SAMD5: variants seen among roughly 807,000 people sequenced by gnomAD.
SAMD5 encodes sterile alpha motif domain containing 5.
A neutral mutation model predicts 11.3 loss-of-function variants in SAMD5; 13 were observed. The ratio of observed to expected loss-of-function variants is 1.15; its 90% CI spans 0.75 to 1.83. The LOEUF (loss-of-function observed/expected upper bound fraction) is 1.83. Among genes scored for constraint, SAMD5 ranks in the 40% most tolerant of loss-of-function variants. SAMD5 has a pLI of 0.00. For synonymous variants in SAMD5, 129 were observed against 111.3 expected (o/e 1.16, Z -1.00); for missense variants, 255 against 239.1 (o/e 1.07, Z -0.44).
chr6:147,949,548 T>A, the SAMD5 span, among the ~76,000 whole-genome samples: 37 of 152,264 alleles, frequency 2.4e-4, no homozygotes, highest in African/African-American at 8.2e-4. Flanking sequence ...ATCACGCTAC[T>A]TCTAATGCTT....
the SAMD5 span, among the ~76,000 whole-genome samples, chr6:147,784,472 A>C: frequency 1.3e-5 from 2 of 152,134 alleles, no homozygotes; most frequent in African/African-American, 4.8e-5. Flanking sequence ...ATAAGCTGAA[A>C]ATTTTCTTAT....
intron 1 of SAMD5, among the ~76,000 whole-genome samples, chr6:147,625,098 G>T (rs985785531): frequency 3.9e-5 from 6 of 152,258 alleles, no homozygotes; most frequent in Admixed American, 2.0e-4. Flanking sequence ...CCAGTTAGTC[G>T]ATTGGTGTGG....
At chr6:147,762,174 T>C in the SAMD5 span, among the ~76,000 whole-genome samples, 1 of 152,164 alleles carries the variant, frequency 6.6e-6, no homozygotes, top group Non-Finnish European at 1.5e-5. Flanking sequence ...CATTTTTGAT[T>C]ATGTCAAATG....
chr6:147,533,996 C>T (rs1445439817), intron 1 of SAMD5, among the ~76,000 whole-genome samples: 3 of 152,268 alleles, frequency 2.0e-5, no homozygotes, highest in Admixed American at 2.0e-4. Flanking sequence ...CAAGCCAAGT[C>T]GACACTTAAA....
At chr6:147,915,997 C>T in the SAMD5 span, among the ~76,000 whole-genome samples, 58 of 149,020 alleles carry the variant, frequency 3.9e-4, no homozygotes, top group South Asian at 4.5e-3. Context: ...TGAGAACATG[C>T]GGTGTTTGGT....
Position 147,580,655 on chromosome 6 carries a change from G to C in SAMD5, c.162+71268G>C, listed in dbSNP as rs117740962. Among the ~76,000 whole-genome samples, 583 of 152,298 alleles carry C rather than the reference G, an allele frequency of 3.8e-3. 18 individuals are homozygous for C. In the East Asian group the frequency reaches 0.083, roughly 22 times the overall value. ...AATTGTATTTCATTTTAATTAAATAGTCATGTATGGCCAGTGGTAGCATAT... is the reference window on the plus strand; with the variant it reads ...AATTGTATTTCATTTTAATTAAATACTCATGTATGGCCAGTGGTAGCATAT... On this transcript the variant is annotated intron_variant, in intron 1 of 1. Transcript: ENST00000566741.
At chr6:147,679,877 G>C (rs970579870) in intron 1 of SAMD5, among the ~76,000 whole-genome samples, 15 of 150,466 alleles carry the variant, frequency 1.0e-4, no homozygotes, top group African/African-American at 3.4e-4. Context: ...TTTCCCCCCT[G>C]AATTATATTT....
At chr6:147,623,437 G>A (rs1790002061) in intron 1 of SAMD5, among the ~76,000 whole-genome samples, 1 of 152,218 alleles carries the variant, frequency 6.6e-6, no homozygotes, top group Non-Finnish European at 1.5e-5. Context: ...TTTAGGACAT[G>A]TGCTTTGAAT....
chr6:147,850,807 A>C, the SAMD5 span, among the ~76,000 whole-genome samples: 1 of 151,842 alleles, frequency 6.6e-6, no homozygotes, highest in South Asian at 2.1e-4. Flanking sequence ...TGCTATGCCC[A>C]TTTAGTCACC....
In SAMD5 at chr6:147,568,066, G is replaced by A. The variant is rs1044240318; in HGVS notation, c.*3610G>A. Reference sequence around the variant, plus strand: ...GCAGCTTCAGATTGATGAATTTGAGGTACAAATGAGTGAGTGACATATGTA... The same window carrying A: ...GCAGCTTCAGATTGATGAATTTGAGATACAAATGAGTGAGTGACATATGTA... On this transcript the variant is annotated 3_prime_UTR_variant, in exon 2 of 2. Coordinates refer to ENST00000367474, the MANE Select transcript of SAMD5 (RefSeq NM_001030060.3). 6 of 985,044 alleles carry A rather than the reference G, an allele frequency of 6.1e-6. No homozygotes were observed. In the Admixed American group the frequency reaches 2.5e-4, roughly 40 times the overall value. 61.0% of individuals were successfully genotyped at this position (985,044 alleles called of 1,614,324 possible).
intron 1 of SAMD5, among the ~76,000 whole-genome samples, chr6:147,578,974 T>C (rs1307588564): frequency 6.6e-6 from 1 of 152,248 alleles, no homozygotes; most frequent in East Asian, 1.9e-4. Flanking sequence ...GTAGTAAATG[T>C]TCAGTAGGTG....
intron 1 of SAMD5, among the ~76,000 whole-genome samples, chr6:147,636,584 T>C (rs1174061726): frequency 6.6e-6 from 1 of 152,208 alleles, no homozygotes; most frequent in East Asian, 1.9e-4. Context: ...GCTGCATCTG[T>C]CACTTTTTAC....
chr6:147,745,843 A>G, the SAMD5 span, among the ~76,000 whole-genome samples: 1 of 150,220 alleles, frequency 6.7e-6, no homozygotes, highest in Non-Finnish European at 1.5e-5. Flanking sequence ...TGGTGATGGG[A>G]ACAAGGCTTA....
the SAMD5 span, among the ~76,000 whole-genome samples, chr6:147,855,559 C>A: frequency 6.6e-6 from 1 of 152,026 alleles, no homozygotes; most frequent in Non-Finnish European, 1.5e-5. Flanking sequence ...TTATAGAAGA[C>A]TTTCAAGCAT....
intron 1 of SAMD5, among the ~76,000 whole-genome samples, chr6:147,534,941 C>T (rs1788485304): frequency 6.6e-6 from 1 of 152,150 alleles, no homozygotes; most frequent in South Asian, 2.1e-4. Flanking sequence ...AAACTATAAA[C>T]TAAGTTTCTC....
At chr6:147,708,633 T>C (rs1791357086) in intron 1 of SAMD5, among the ~76,000 whole-genome samples, 1 of 152,194 alleles carries the variant, frequency 6.6e-6, no homozygotes, top group Non-Finnish European at 1.5e-5. Flanking sequence ...CCTGGGTAGA[T>C]GTGGAAGTTA....
intron 1 of SAMD5, among the ~76,000 whole-genome samples, chr6:147,678,783 C>CT (rs1215699084): frequency 2.0e-5 from 3 of 152,188 alleles, no homozygotes; most frequent in East Asian, 1.9e-4. Flanking sequence ...AGTGAGCTCT[C>CT]TTTTTTTAAA....
the SAMD5 span, chr6:147,947,337 G>A: frequency 6.6e-6 from 1 of 152,114 alleles, no homozygotes; most frequent in East Asian, 1.9e-4. Flanking sequence ...ATTAAAACGT[G>A]ATTTTCTACT....
At chr6:147,937,498 C>A in the SAMD5 span, among the ~76,000 whole-genome samples, 4 of 152,192 alleles carry the variant, frequency 2.6e-5, no homozygotes, top group African/African-American at 7.2e-5. Context: ...GATGACCTAG[C>A]AGTCCAGCTT....
Sources: allele counts gnomAD v4.1 joint callset (sites outside exome capture counted in the v4.1 genomes callset), GRCh38; gene constraint gnomAD v4.1.1; transcripts MANE v1.5; gene names NCBI Gene and HGNC (gene_info 2026-07-23, HGNC 2026-07-21).